The following KSR2 variants were observed in gnomAD, a reference collection of about 807,000 sequenced individuals.
The protein encoded by KSR2 is kinase suppressor of ras 2.
KSR2 carries 25 observed loss-of-function variants against 107.8 expected under a neutral mutation model. The observed-to-expected ratio is 0.23, with a 90% CI of 0.17 to 0.32. KSR2 has a LOEUF of 0.32. KSR2 is among the 10% of genes least tolerant of loss of function. The pLI is 1.00. For missense variants in KSR2, 887 were observed against 1,268.9 expected (o/e 0.70, Z 4.57); for synonymous variants, 480 against 507.0 (o/e 0.95, Z 0.71).
intron 3 of KSR2, among the ~76,000 whole-genome samples, chr12:117,775,935 G>A (rs1310400676): frequency 2.0e-5 from 3 of 152,238 alleles, no homozygotes; most frequent in Admixed American, 6.5e-5. Context: ...GGAACCCAGC[G>A]GGGAAAAGTG....
intron 1 of KSR2, among the ~76,000 whole-genome samples, chr12:117,864,645 C>T (rs1893414524): frequency 6.6e-6 from 1 of 152,154 alleles, no homozygotes; most frequent in South Asian, 2.1e-4. Flanking sequence ...AGGCCATGCT[C>T]CCCCTGAAGG....
chr12:117,852,800 TTTG>T (rs1374578790), intron 3 of KSR2, among the ~76,000 whole-genome samples: 2 of 152,090 alleles, frequency 1.3e-5, no homozygotes, highest in African/African-American at 4.8e-5. Flanking sequence ...ATATGGGTTT[TTTG>T]TTGTTGTTTT....
At chr12:117,753,064 C>A (rs1888663881) in intron 4 of KSR2, among the ~76,000 whole-genome samples, 1 of 152,128 alleles carries the variant, frequency 6.6e-6, no homozygotes, top group South Asian at 2.1e-4. Flanking sequence ...GGCCACAAAG[C>A]CAGAGGGAAA....
intron 3 of KSR2, among the ~76,000 whole-genome samples, chr12:117,826,412 AC>A (rs1417225122): frequency 1.3e-5 from 2 of 151,900 alleles, no homozygotes; most frequent in African/African-American, 4.8e-5. Flanking sequence ...TTCCTGTTAT[AC>A]TGTCTTTGAT....
intron 4 of KSR2, among the ~76,000 whole-genome samples, chr12:117,695,846 C>T (rs1208195788): frequency 2.0e-5 from 3 of 151,960 alleles, no homozygotes; most frequent in Non-Finnish European, 4.4e-5. Flanking sequence ...AGAAAGACAC[C>T]GGAAAGGTCG....
At chr12:117,773,813 A>G (rs4766872) in intron 3 of KSR2, among the ~76,000 whole-genome samples, 85,431 of 152,088 alleles carry the variant, frequency 0.56, 25,401 homozygotes, top group East Asian at 0.77. Flanking sequence ...CTGGAATCAC[A>G]GGAAAAGCGA....
intron 4 of KSR2, among the ~76,000 whole-genome samples, chr12:117,747,114 T>C (rs1475411781): frequency 1.3e-5 from 2 of 152,212 alleles, no homozygotes; most frequent in African/African-American, 4.8e-5. Context: ...ATCATTCTAC[T>C]ATAAAGACAC....
At chr12:117,850,359 C>T (rs1892875772) in intron 3 of KSR2, among the ~76,000 whole-genome samples, 1 of 152,030 alleles carries the variant, frequency 6.6e-6, no homozygotes, top group African/African-American at 2.4e-5. Context: ...CAGGGATTCA[C>T]CAGAAGGACA....
chr12:117,567,403 A>T (rs535761603), intron 7 of KSR2, among the ~76,000 whole-genome samples: 1 of 152,084 alleles, frequency 6.6e-6, no homozygotes, highest in East Asian at 1.9e-4. Flanking sequence ...GAGGGGAGAG[A>T]TGCGAGGGGA....
At chr12:117,586,659 A>AAGAG (rs375547251) in intron 5 of KSR2, among the ~76,000 whole-genome samples, 1 of 151,852 alleles carries the variant, frequency 6.6e-6, no homozygotes, top group East Asian at 1.9e-4. Context: ...GAAAGAAAGA[A>AAGAG]AAATATAGTA....
chr12:117,677,407 T>C (rs1317347993), intron 4 of KSR2, among the ~76,000 whole-genome samples: 1 of 152,122 alleles, frequency 6.6e-6, no homozygotes, highest in Non-Finnish European at 1.5e-5. Flanking sequence ...GAAGCCGCCA[T>C]GTAAGGACAC....
intron 1 of KSR2, among the ~76,000 whole-genome samples, chr12:117,902,448 A>G (rs1021273095): frequency 6.7e-6 from 1 of 148,492 alleles, no homozygotes; most frequent in African/African-American, 2.5e-5. Context: ...GTGAGCTGAG[A>G]CCATGCCACT....
At chr12:117,947,245 G>GA (rs1896224836) in intron 1 of KSR2, among the ~76,000 whole-genome samples, 2 of 122,592 alleles carry the variant, frequency 1.6e-5, no homozygotes, top group Non-Finnish European at 3.4e-5. Flanking sequence ...AAGAAAGAAA[G>GA]AAAGAAAGAA....
chr12:117,665,113 C>G (rs1255047080), intron 5 of KSR2, among the ~76,000 whole-genome samples: 1 of 152,142 alleles, frequency 6.6e-6, no homozygotes, highest in Non-Finnish European at 1.5e-5. Context: ...TTTCTTCTTT[C>G]CGGGAGCTCA....
intron 1 of KSR2, among the ~76,000 whole-genome samples, chr12:117,866,171 G>A (rs1893463977): frequency 6.6e-6 from 1 of 151,804 alleles, no homozygotes; most frequent in South Asian, 2.1e-4. Context: ...CATGTAGCTG[G>A]GACAACAGGT....
chr12:117,759,935 C>T (rs761605533), intron 4 of KSR2, among the ~76,000 whole-genome samples: 2 of 152,162 alleles, frequency 1.3e-5, no homozygotes, highest in Non-Finnish European at 2.9e-5. Flanking sequence ...TGGTGAAACC[C>T]TATCTCTACA....
intron 3 of KSR2, among the ~76,000 whole-genome samples, chr12:117,803,319 C>T (rs550808394): frequency 2.6e-4 from 39 of 152,296 alleles, no homozygotes; most frequent in Admixed American, 6.5e-4. Flanking sequence ...AGAGTTTATA[C>T]AATATATTCA....
At chr12:117,835,963 G>C (rs1892194691) in intron 3 of KSR2, among the ~76,000 whole-genome samples, 1 of 152,102 alleles carries the variant, frequency 6.6e-6, no homozygotes, top group Middle Eastern at 3.4e-3. Flanking sequence ...CCTCCAGACA[G>C]TCTGCAGTTA....
At chr12:117,544,903 G>C (rs1434723545) in intron 9 of KSR2, among the ~76,000 whole-genome samples, 9 of 152,160 alleles carry the variant, frequency 5.9e-5, no homozygotes, top group Admixed American at 5.2e-4. Flanking sequence ...GTCCTAGCTT[G>C]TTCCTAGCTG....
Sources: allele counts gnomAD v4.1 joint callset (sites outside exome capture counted in the v4.1 genomes callset), GRCh38; gene constraint gnomAD v4.1.1; transcripts MANE v1.5; gene names NCBI Gene and HGNC (gene_info 2026-07-23, HGNC 2026-07-21).